PLD2: variants seen among roughly 807,000 people sequenced by gnomAD.
PLD2 encodes the protein phospholipase D2.
A neutral mutation model predicts 119.8 loss-of-function variants in PLD2; 101 were observed. The ratio of observed to expected loss-of-function variants is 0.84; its 90% confidence interval spans 0.72 to 0.99. PLD2 has a LOEUF of 0.99. Ranked by LOEUF, PLD2 falls within the 50% of genes least tolerant of loss-of-function variation. PLD2 has a pLI of 0.00. For missense variants in PLD2, 1,164 were observed against 1,226.8 expected (o/e 0.95, Z 0.76); for synonymous variants, 494 against 482.8 (o/e 1.02, Z -0.30).
At chr17:4,815,649 CCAGCG>C in intron 13 of PLD2, 63 bp downstream of exon 13, 2 of 1,582,708 alleles carry the variant, frequency 1.3e-6, no homozygotes, top group East Asian at 4.5e-5. Flanking sequence ...GTCCCAGCCC[CCAGCG>C]CTCCCGCTCC....
chr17:4,815,735 C>T, intron 13 of PLD2, 29 bp from the exon 14 acceptor site: 1 of 1,609,820 alleles, frequency 6.2e-7, no homozygotes, highest in African/African-American at 1.3e-5. Flanking sequence ...CCTAAACCCA[C>T]CCTCATGAAC....
chr17:4,814,596 G>A (rs1250522545), intron 11 of PLD2, 37 bp from the exon 12 acceptor site: 1 of 1,613,470 alleles, frequency 6.2e-7, no homozygotes. Context: ...GTGGTCTGGG[G>A]CTTCGTTTGC....
Position 4,821,914 on chromosome 17 carries a change from A to G in PLD2, c.2577+7A>G. 1.3e-6 allele frequency: 2 copies of G among 1,589,858 alleles called. No homozygotes were observed. Among genetic ancestry groups the G allele is most frequent in the Non-Finnish European group, 1.7e-6 (2 of 1,158,160 alleles). ...CGCCAATATCTATGAGCAGGTGGGAACTTGGGAGGGGTGGGGGAGAGTGGC... is the reference window on the plus strand; with the variant it reads ...CGCCAATATCTATGAGCAGGTGGGAGCTTGGGAGGGGTGGGGGAGAGTGGC... On this transcript the variant is annotated splice_region_variant and intron_variant, in intron 24 of 24. Transcript: ENST00000263088.
rs527358674 is a variant in PLD2 at position 4,812,302 on chromosome 17, T to G, written c.1010+1351T>G. 7.9e-4 allele frequency among the ~76,000 whole-genome samples: 118 copies of G among 149,344 alleles called. 1 individual carries two copies. Among genetic ancestry groups the G allele is most frequent in the African/African-American group, 2.8e-3 (113 of 40,526 alleles). ...CAGCTAATTTTTGTTTTGGTTTTTT[T>G]TTTTTTTTTTTGAGATGGAGTCTGT... On this transcript the variant is annotated intron_variant, in intron 10 of 24. Coordinates refer to ENST00000263088, the MANE Select transcript of PLD2 (RefSeq NM_002663.5).
chr17:4,817,358 C>T, intron 17 of PLD2, 99 bp downstream of exon 17: 1 of 849,870 alleles, frequency 1.2e-6, no homozygotes, highest in Non-Finnish European at 2.0e-6. Context: ...ACTCTCCTTT[C>T]CTGGGGTTAA....
intron 10 of PLD2, among the ~76,000 whole-genome samples, chr17:4,811,391 C>G (rs1906459392): frequency 6.8e-6 from 1 of 147,290 alleles, no homozygotes; most frequent in Non-Finnish European, 1.5e-5. Flanking sequence ...ATTCTTCTGC[C>G]TCAGCCTCCC....
intron 10 of PLD2, 27 bp downstream of exon 10, chr17:4,810,978 TTG>T: frequency 1.3e-6 from 2 of 1,586,730 alleles, no homozygotes; most frequent in Non-Finnish European, 1.7e-6. Context: ...CCTTCTGAGC[TTG>T]TCTGTGGCTT....
Position 4,807,470 on chromosome 17 carries a change from C to T in PLD2, c.-2+245C>T. The T allele has an allele frequency of 3.7e-6, 1 of 269,560 alleles. No individual in the cohort carries two copies. Among genetic ancestry groups the T allele is most frequent in the Non-Finnish European group, 7.2e-6 (1 of 139,512 alleles). 16.7% of individuals were successfully genotyped at this position (269,560 alleles called of 1,614,324 possible). Reference sequence around the variant, plus strand: ...CACCCAGGGCCGCTTCCCCGCGCAGCTGCTGCGCCGCCCCAGGTCGGAGCC... The same window carrying T: ...CACCCAGGGCCGCTTCCCCGCGCAGTTGCTGCGCCGCCCCAGGTCGGAGCC... On this transcript the variant is annotated intron_variant, in intron 1 of 24. Transcript: ENST00000263088. The surrounding 1 kb of genome is among the most constrained non-coding windows in gnomAD (Gnocchi z 5.4).
intron 6 of PLD2, 30 bp downstream of exon 6, chr17:4,809,393 G>A (rs775249931): frequency 1.2e-6 from 2 of 1,613,480 alleles, no homozygotes; most frequent in South Asian, 2.2e-5. Flanking sequence ...TTTAGATGTG[G>A]AGCAGGATTA....
intron 23 of PLD2, 28 bp from the exon 24 acceptor site, chr17:4,821,765 G>T (rs1567537603): frequency 2.0e-6 from 3 of 1,477,598 alleles, no homozygotes; most frequent in Admixed American, 1.7e-5. Flanking sequence ...TCTTAATCTG[G>T]CCCTGCTGGG....
In PLD2 at chr17:4,821,867, G is replaced by A. The variant is rs776430641; in HGVS notation, c.2537G>A (p.Trp846Ter). 4 of 1,614,028 alleles carry A rather than the reference G, an allele frequency of 2.5e-6. No homozygotes were observed. The highest frequency in any genetic ancestry group is 2.2e-5 in the East Asian group (1 of 44,886). ...DPICDDFFQL[W>*]QDMAESNANI... ...ATCTGTGATGACTTCTTCCAGTTGT[G>A]GCAAGACATGGCTGAGAGCAACGCC... is the stretch of plus-strand genomic sequence containing the variant. Residue 846 changes from tryptophan to a stop codon, truncating the protein, a stop_gained, in exon 24 of 25, where the codon TGG becomes TAG. Coordinates refer to ENST00000263088, the MANE Select transcript of PLD2 (RefSeq NM_002663.5). LOFTEE classifies it high-confidence loss of function.
At chr17:4,813,845 C>T (rs147766751) in intron 10 of PLD2, among the ~76,000 whole-genome samples, 106 of 152,156 alleles carry the variant, frequency 7.0e-4, no homozygotes, top group African/African-American at 2.3e-3. Context: ...GGTGACAGAG[C>T]GGGACACCAT....
In PLD2 at chr17:4,816,932, C is replaced by A. The variant is rs371860251; in HGVS notation, c.1583-5C>A. 6.2e-7 allele frequency: 1 copy of A among 1,610,830 alleles called. No individual in the cohort carries two copies. The highest frequency in any genetic ancestry group is 1.3e-5 in the African/African-American group (1 of 74,900). ...ATCTCCCCTGACTCTCCTGGGACCC[C>A]CCAGATTTCATTGACAGGGAGACGA... On this transcript the variant is annotated splice_region_variant and splice_polypyrimidine_tract_variant and intron_variant, in intron 15 of 24. Coordinates refer to ENST00000263088, the MANE Select transcript of PLD2 (RefSeq NM_002663.5).
rs1184744967 is a variant in PLD2, at chr17:4,822,978, C to T, written c.*114C>T. On this transcript the variant is annotated 3_prime_UTR_variant, in exon 25 of 25. Coordinates refer to ENST00000263088, the MANE Select transcript of PLD2 (RefSeq NM_002663.5). ...GCCCTTTGAGATCTGGGGAGGCAGG[C>T]ATTCCTGAAGGGAACTAGAGGTGTT... is the stretch of plus-strand genomic sequence containing the variant. The T allele has an allele frequency of 1.6e-6, 1 of 642,296 alleles. No individual in the cohort carries two copies. The highest frequency in any genetic ancestry group is 1.8e-5 in the African/African-American group (1 of 55,046). The allele number at this position is 642,296 out of a possible 1,614,324, so 39.8% of individuals were successfully genotyped here.
At chr17:4,822,424 G>A (rs1471088829) in intron 24 of PLD2, among the ~76,000 whole-genome samples, 3 of 151,852 alleles carry the variant, frequency 2.0e-5, no homozygotes, top group Admixed American at 2.0e-4. Context: ...CCCGAGAGGT[G>A]GAGATTGTAG....
chr17:4,820,586 C>CT (rs1288843887), intron 23 of PLD2, among the ~76,000 whole-genome samples: 14 of 86,552 alleles, frequency 1.6e-4, no homozygotes, highest in East Asian at 7.8e-4. Flanking sequence ...TTTTTTTTTT[C>CT]TTTTTTTTTG....
chr17:4,822,696 C>T lies in PLD2; in HGVS notation c.2634C>T (p.Tyr878=), dbSNP rs761626963. The T allele has an allele frequency of 1.9e-5, 30 of 1,614,098 alleles. No individual in the cohort carries two copies. Among genetic ancestry groups the T allele is most frequent in the East Asian group, 6.7e-5 (3 of 44,876 alleles). The part of the protein sequence containing the change: ...ATRSLRTLRE[Y]VAVEPLATVS... ...GTTCCCTGCGGACTCTCCGGGAGTA[C>T]GTGGCCGTGGAGCCCTTGGCCACGG... Residue 878 remains tyrosine, a synonymous_variant, in exon 25 of 25, where the codon TAC becomes TAT. Transcript: ENST00000263088.
In PLD2 at chr17:4,818,582, C is replaced by G. The variant is rs1255205828; in HGVS notation, c.2098C>G (p.Gln700Glu). Residue 700 changes from glutamine to glutamate, a missense_variant, in exon 20 of 25, where the codon CAG (glutamine) becomes GAG (glutamate). Gln to Glu is a conservative substitution (Grantham distance 29). Transcript: ENST00000263088. ...CTCCACGGGCGGTGGCAACTCCATCCAGGCCATTCTGCACTTTACTTACAG... is the reference window on the plus strand; with the variant it reads ...CTCCACGGGCGGTGGCAACTCCATCGAGGCCATTCTGCACTTTACTTACAG... The part of the protein sequence containing the change: ...DISTGGGNSI[Q>E]AILHFTYRTL... The G allele has an allele frequency of 2.5e-6, 4 of 1,613,624 alleles. No homozygotes were observed. The highest frequency in any genetic ancestry group is 3.4e-6 in the Non-Finnish European group (4 of 1,179,702).
intron 18 of PLD2, 30 bp downstream of exon 18, chr17:4,818,136 T>C (rs777551441): frequency 6.6e-7 from 1 of 1,526,444 alleles, no homozygotes; most frequent in South Asian, 1.1e-5. Flanking sequence ...GGGGAGAGCA[T>C]GGAAGGGGTG....
Sources: gnomAD v4.1 joint callset for allele counts (sites outside exome capture counted in the v4.1 genomes callset) on GRCh38, gnomAD v4.1.1 for gene constraint, Gnocchi (gnomAD v3.1) non-coding constraint, MANE v1.5 for transcripts, NCBI Gene and HGNC (gene_info 2026-07-23, HGNC 2026-07-21) for gene names.